The following CNOT6L variants were observed in gnomAD, a reference collection of about 807,000 sequenced individuals.
The protein encoded by CNOT6L is CCR4-NOT transcription complex subunit 6 like, also known as CCR4-NOT transcription complex subunit 6-like.
CNOT6L carries 7 observed loss-of-function variants against 64.0 expected under a neutral mutation model. The observed-to-expected ratio is 0.11, with a 90% CI of 0.06 to 0.21. CNOT6L has a LOEUF of 0.21. Among genes scored for constraint, CNOT6L ranks in the 10% least tolerant of loss-of-function variants. CNOT6L has a pLI of 1.00. For synonymous variants in CNOT6L, 193 were observed against 243.4 expected, an observed-to-expected ratio of 0.79 and a Z score of 1.93; for missense variants, 245 against 669.0, an observed-to-expected ratio of 0.37 and a Z score of 6.99.
At chr4:77,745,671 A>AATCACTT (rs1199610369) in intron 6 of CNOT6L, among the ~76,000 whole-genome samples, 3 of 152,196 alleles carry the variant, frequency 2.0e-5, no homozygotes, top group Admixed American at 1.3e-4. Context: ...TGCCTAGTAG[A>AATCACTT]ATCACTTTGT....
intron 8 of CNOT6L, among the ~76,000 whole-genome samples, chr4:77,739,455 A>C (rs1182478977): frequency 1.3e-5 from 2 of 152,222 alleles, no homozygotes; most frequent in Non-Finnish European, 2.9e-5. Flanking sequence ...TAAATAGAAG[A>C]AGCACCTGGC....
At chr4:77,804,160 G>A (rs1731947412) in intron 1 of CNOT6L, among the ~76,000 whole-genome samples, 1 of 152,094 alleles carries the variant, frequency 6.6e-6, no homozygotes. Context: ...GGGCACAGTG[G>A]TTCATGCCTG....
chr4:77,797,102 C>CAAAAAA (rs386400560), intron 1 of CNOT6L, among the ~76,000 whole-genome samples: 981 of 52,730 alleles, frequency 0.019, 165 homozygotes, highest in Middle Eastern at 0.031. Flanking sequence ...GACCTTGTCT[C>CAAAAAA]AAAAAAAAAA....
At chr4:77,812,348 G>A (rs1442232481) in intron 1 of CNOT6L, among the ~76,000 whole-genome samples, 1 of 151,116 alleles carries the variant, frequency 6.6e-6, no homozygotes, top group Non-Finnish European at 1.5e-5. Flanking sequence ...TGAGGCTGGA[G>A]AATCACTTGA....
In CNOT6L at chr4:77,819,157, G is replaced by A. The variant is rs1490355844; in HGVS notation, c.5+147C>T. 15 of 1,507,084 alleles carry A rather than the reference G, an allele frequency of 1.0e-5. No individual in the cohort carries two copies. The African/African-American group carries it at 1.4e-4, about 14-fold the overall frequency. The allele number at this position is 1,507,084 out of a possible 1,614,324, so 93.4% of individuals were successfully genotyped here. A position where few individuals can be genotyped will look rare whatever the true frequency, so the allele number is the denominator to read the frequency against. ...GTCACCCGACACACACCCACTCGCCGTGGGTCCTCGGGCCGCCTCCCCGCC... is the reference window on the plus strand; with the variant it reads ...GTCACCCGACACACACCCACTCGCCATGGGTCCTCGGGCCGCCTCCCCGCC... On this transcript the variant is annotated intron_variant, in intron 1 of 11. Coordinates refer to ENST00000504123, the MANE Select transcript of CNOT6L (RefSeq NM_144571.3).
chr4:77,789,579 G>A (rs980891302), intron 1 of CNOT6L, among the ~76,000 whole-genome samples: 84 of 151,046 alleles, frequency 5.6e-4, no homozygotes, highest in African/African-American at 1.9e-3. Flanking sequence ...AAGATTCCTT[G>A]AGCCCAGGAG....
At chr4:77,734,033 T>A (rs1295865140) in intron 8 of CNOT6L, among the ~76,000 whole-genome samples, 1 of 152,178 alleles carries the variant, frequency 6.6e-6, no homozygotes, top group Non-Finnish European at 1.5e-5. Flanking sequence ...GCAGTACCTA[T>A]AACTGGGCAT....
At chr4:77,738,686 G>A (rs1264023360) in intron 8 of CNOT6L, among the ~76,000 whole-genome samples, 4 of 149,002 alleles carry the variant, frequency 2.7e-5, no homozygotes, top group African/African-American at 9.9e-5. Flanking sequence ...CTGGGAGGCG[G>A]AGGTTGCAGT....
intron 1 of CNOT6L, among the ~76,000 whole-genome samples, chr4:77,790,792 G>GT (rs1163574618): frequency 2.0e-5 from 3 of 150,030 alleles, no homozygotes; most frequent in Non-Finnish European, 3.0e-5. Flanking sequence ...AGAATTACAG[G>GT]TGCCCACCAC....
chr4:77,760,294 G>T (rs1003125778), intron 4 of CNOT6L, among the ~76,000 whole-genome samples: 5 of 151,996 alleles, frequency 3.3e-5, no homozygotes, highest in African/African-American at 1.2e-4. Flanking sequence ...AGGATTGCTT[G>T]GGTGCTGGAG....
chr4:77,819,044 C>A, intron 1 of CNOT6L: 1 of 543,174 alleles, frequency 1.8e-6, no homozygotes, highest in South Asian at 1.8e-5. Flanking sequence ...CCCCGGGCCA[C>A]CCCCGACACA....
chr4:77,777,177 G>C (rs1728247756), intron 1 of CNOT6L, among the ~76,000 whole-genome samples: 1 of 152,112 alleles, frequency 6.6e-6, no homozygotes, highest in Non-Finnish European at 1.5e-5. Context: ...GTTTGCCTGG[G>C]TCAGTCTTGG....
At chr4:77,799,999 C>T (rs1474574371) in intron 1 of CNOT6L, among the ~76,000 whole-genome samples, 1 of 151,410 alleles carries the variant, frequency 6.6e-6, no homozygotes, top group Non-Finnish European at 1.5e-5. Flanking sequence ...AGTATTTTTT[C>T]ACAAATTTAA....
rs1342710026 is a variant in CNOT6L, at chr4:77,716,505, T to G, written c.*3926A>C. 1 of 152,142 alleles carries G rather than the reference T, an allele frequency of 6.6e-6. No homozygotes were observed. The highest frequency in any genetic ancestry group is 1.5e-5 in the Non-Finnish European group (1 of 68,004). The allele number at this position is 152,142 out of a possible 1,614,324, so 9.4% of individuals were successfully genotyped here. A position where few individuals can be genotyped will look rare whatever the true frequency, so the allele number is the denominator to read the frequency against. On this transcript the variant is annotated 3_prime_UTR_variant, in exon 12 of 12. Transcript: ENST00000504123. The stretch of plus-strand genomic sequence containing the variant: ...CTAAAAGTATAGATGGCATTAGTGA[T>G]TTTTAGAAACGCTTGGAAATGCAAA...
intron 1 of CNOT6L, 113 bp from the exon 2 acceptor site, chr4:77,776,505 T>C: frequency 1.5e-6 from 1 of 687,854 alleles, no homozygotes; most frequent in Admixed American, 3.2e-5. Context: ...AGTAAGTCAT[T>C]TTATACTACA....
rs1302131820 is a variant in CNOT6L, at chr4:77,716,018, CTAGT to C, written c.*4409_*4412del. The stretch of plus-strand genomic sequence containing the variant: ...ACTTTAGTTCAAGCTTCTGGCTTCC[CTAGT>C]TAATTTCTCTACCTACAATTCACAC... On this transcript the variant is annotated 3_prime_UTR_variant, in exon 12 of 12. Coordinates refer to ENST00000504123, the MANE Select transcript of CNOT6L (RefSeq NM_144571.3). 1.3e-5 allele frequency: 2 copies of C among 152,366 alleles called. No homozygotes were observed. Among genetic ancestry groups the C allele is most frequent in the Non-Finnish European group, 2.9e-5 (2 of 67,990 alleles). 9.4% of individuals were successfully genotyped at this position (152,366 alleles called of 1,614,324 possible).
intron 8 of CNOT6L, among the ~76,000 whole-genome samples, chr4:77,737,403 GTTCTTTTTTTTTTT>G (rs1560579136): frequency 8.6e-6 from 1 of 116,048 alleles, no homozygotes; most frequent in African/African-American, 3.4e-5. Flanking sequence ...TATTTGTACC[GTTCTTTTTTTTTTT>G]TTTTTTTTTT....
rs201499481 is a variant in CNOT6L, at chr4:77,714,438, T to TAAAAAAAAAA, written c.*5983_*5992dup. The TAAAAAAAAAA allele has an allele frequency of 1.5e-5, 2 of 134,686 alleles. No homozygotes were observed. Among genetic ancestry groups the TAAAAAAAAAA allele is most frequent in the East Asian group, 4.2e-4 (2 of 4,714 alleles). 8.3% of individuals were successfully genotyped at this position (134,686 alleles called of 1,614,324 possible). On this transcript the variant is annotated 3_prime_UTR_variant, in exon 12 of 12. Transcript: ENST00000504123. ...AGAAAAAGTACATACACACTCTCTTTAAAAAAAAAAAAAAAAAAAAAAAAA... is the reference window on the plus strand; with the variant it reads ...AGAAAAAGTACATACACACTCTCTTTAAAAAAAAAAAAAAAAAAAAAAAAAAAAAAAAAAA...
chr4:77,790,856 C>T (rs1213684162), intron 1 of CNOT6L, among the ~76,000 whole-genome samples: 16 of 146,896 alleles, frequency 1.1e-4, no homozygotes, highest in Non-Finnish European at 2.1e-4. Context: ...GATGAGGTTT[C>T]ACCATCTTGG....
Sources: gnomAD v4.1 joint callset for allele counts (sites outside exome capture counted in the v4.1 genomes callset) on GRCh38, gnomAD v4.1.1 for gene constraint, MANE v1.5 for transcripts, NCBI Gene and HGNC (gene_info 2026-07-23, HGNC 2026-07-21) for gene names.